Variants in BMAL1 observed in about 807,000 individuals in gnomAD.
BMAL1 encodes basic helix-loop-helix ARNT-like protein 1.
chr11:13,321,001 T>G, the BMAL1 span, among the ~76,000 whole-genome samples: 1 of 152,208 alleles, frequency 6.6e-6, no homozygotes, highest in Non-Finnish European at 1.5e-5. Flanking sequence ...GTTACATTGT[T>G]TTTTATGTAC....
the BMAL1 span, among the ~76,000 whole-genome samples, chr11:13,340,654 G>A: frequency 6.6e-6 from 1 of 151,946 alleles, no homozygotes; most frequent in African/African-American, 2.4e-5. Flanking sequence ...CTCCCTCCTC[G>A]TTCCCAGGGG....
chr11:13,385,630 C>G, the BMAL1 span: 1 of 1,317,186 alleles, frequency 7.6e-7, no homozygotes, highest in African/African-American at 1.5e-5. Context: ...CTTCATTTTC[C>G]TTTTGGCATT....
chr11:13,320,893 G>A, the BMAL1 span, among the ~76,000 whole-genome samples: 2 of 152,186 alleles, frequency 1.3e-5, no homozygotes, highest in East Asian at 3.8e-4. Flanking sequence ...AGGTGGGTGG[G>A]GTGGAAAAGT....
the BMAL1 span, among the ~76,000 whole-genome samples, chr11:13,284,016 A>G: frequency 6.7e-6 from 1 of 149,502 alleles, no homozygotes; most frequent in Non-Finnish European, 1.5e-5. Flanking sequence ...AAGGTCCCTC[A>G]CCTTCGTCCT....
the BMAL1 span, among the ~76,000 whole-genome samples, chr11:13,366,257 G>A: frequency 6.6e-6 from 1 of 152,178 alleles, no homozygotes; most frequent in Admixed American, 6.5e-5. Flanking sequence ...CAAAGTTATG[G>A]AGGAAGTTGC....
the BMAL1 span, among the ~76,000 whole-genome samples, chr11:13,367,262 T>G: frequency 1.3e-5 from 2 of 152,174 alleles, no homozygotes; most frequent in Non-Finnish European, 2.9e-5. Flanking sequence ...GGCTTTCTTC[T>G]TTTGCAGTAG....
the BMAL1 span, chr11:13,358,623 C>T: frequency 1.3e-6 from 2 of 1,515,294 alleles, no homozygotes; most frequent in Non-Finnish European, 1.8e-6. Flanking sequence ...TCCTTTATGT[C>T]CTTGCCCACA....
the BMAL1 span, chr11:13,369,627 C>G: frequency 1.2e-6 from 2 of 1,613,644 alleles, no homozygotes; most frequent in Non-Finnish European, 1.7e-6. Flanking sequence ...GCTGGACTTC[C>G]AGTTAAAACA....
chr11:13,283,310 A>G, the BMAL1 span, among the ~76,000 whole-genome samples: 31 of 152,334 alleles, frequency 2.0e-4, no homozygotes, highest in East Asian at 5.6e-3. Context: ...GGGCAAGTTA[A>G]TTAGCTTCTC....
chr11:13,310,404 A>G, the BMAL1 span, among the ~76,000 whole-genome samples: 2 of 152,206 alleles, frequency 1.3e-5, no homozygotes, highest in Non-Finnish European at 2.9e-5. Context: ...ACTTGAGAAC[A>G]TAGAGGTGAG....
At chr11:13,349,254 T>G in the BMAL1 span, among the ~76,000 whole-genome samples, 24 of 152,374 alleles carry the variant, frequency 1.6e-4, no homozygotes, top group African/African-American at 4.3e-4. Context: ...TAGTTTCAGG[T>G]GTTGGCTCTG....
chr11:13,356,901 G>A, the BMAL1 span: 2 of 1,588,174 alleles, frequency 1.3e-6, no homozygotes, highest in South Asian at 2.3e-5. Context: ...GAGGCCGTGA[G>A]CCTGTGGGCG....
chr11:13,282,469 C>T, the BMAL1 span, among the ~76,000 whole-genome samples: 3 of 152,198 alleles, frequency 2.0e-5, no homozygotes, highest in Non-Finnish European at 4.4e-5. Context: ...GTGGTCTCCA[C>T]ATTCAGCCTG....
the BMAL1 span, chr11:13,378,697 A>G: frequency 2.2e-6 from 1 of 450,048 alleles, no homozygotes. Flanking sequence ...TAGTGCCTAG[A>G]TTAAGAAATC....
the BMAL1 span, among the ~76,000 whole-genome samples, chr11:13,301,589 A>C: frequency 6.6e-6 from 1 of 152,162 alleles, no homozygotes; most frequent in Non-Finnish European, 1.5e-5. Flanking sequence ...TGCATTTGTC[A>C]ACATCTTGAA....
At chr11:13,313,208 G>A in the BMAL1 span, among the ~76,000 whole-genome samples, 1 of 152,110 alleles carries the variant, frequency 6.6e-6, no homozygotes, top group African/African-American at 2.4e-5. Context: ...CTCCTGGGTC[G>A]GCTCCCGGTT....
At chr11:13,289,164 G>A in the BMAL1 span, among the ~76,000 whole-genome samples, 1 of 152,186 alleles carries the variant, frequency 6.6e-6, no homozygotes, top group Non-Finnish European at 1.5e-5. Flanking sequence ...GTGAGCTAAG[G>A]AAAGAATAGG....
the BMAL1 span, among the ~76,000 whole-genome samples, chr11:13,286,080 CAATG>C: frequency 6.6e-6 from 1 of 152,244 alleles, no homozygotes; most frequent in South Asian, 2.1e-4. Context: ...CTATAAGAAA[CAATG>C]AAGTAAATAG....
chr11:13,385,151 C>G, the BMAL1 span, among the ~76,000 whole-genome samples: 1 of 152,132 alleles, frequency 6.6e-6, no homozygotes, highest in Non-Finnish European at 1.5e-5. Flanking sequence ...AGACAGAGTT[C>G]TCTTACTGAG....
Sources: gnomAD v4.1 joint callset for allele counts (sites outside exome capture counted in the v4.1 genomes callset) on GRCh38, gnomAD v4.1.1 for gene constraint, MANE v1.5 for transcripts, NCBI Gene and HGNC (gene_info 2026-07-23, HGNC 2026-07-21) for gene names.